RBFOX2: variants seen among roughly 807,000 people sequenced by gnomAD.
RBFOX2 encodes RNA binding protein fox-1 homolog 2.
In RBFOX2, 10 loss-of-function variants were observed where a neutral mutation model predicts 49.1. That is an observed-to-expected ratio of 0.20 (90% CI 0.13 to 0.35). The LOEUF is 0.35. Among genes scored for constraint, RBFOX2 ranks in the 10% least tolerant of loss-of-function variants. RBFOX2 has a pLI of 1.00. For synonymous variants in RBFOX2, 183 were observed against 187.4 expected, an observed-to-expected ratio of 0.98 and a Z score of 0.19; for missense variants, 323 against 486.9, an observed-to-expected ratio of 0.66 and a Z score of 3.17.
intron 1 of RBFOX2, among the ~76,000 whole-genome samples, chr22:35,828,814 G>A (rs1465325117): frequency 6.6e-6 from 1 of 152,200 alleles, no homozygotes; most frequent in Non-Finnish European, 1.5e-5. Flanking sequence ...CACTTTGGGA[G>A]GCCGAGGCGG....
chr22:35,914,256 A>C (rs948318034), intron 1 of RBFOX2, among the ~76,000 whole-genome samples: 1 of 152,188 alleles, frequency 6.6e-6, no homozygotes, highest in African/African-American at 2.4e-5. Context: ...CTGCAGAGTC[A>C]TAAGAATTTA....
intron 6 of RBFOX2, among the ~76,000 whole-genome samples, chr22:35,763,840 A>G (rs1939852259): frequency 6.6e-6 from 1 of 152,356 alleles, no homozygotes; most frequent in African/African-American, 2.4e-5. Flanking sequence ...ATTTATAAAT[A>G]TGAAAACAGA....
At chr22:35,819,630 T>C (rs1338397438) in intron 1 of RBFOX2, among the ~76,000 whole-genome samples, 2 of 152,228 alleles carry the variant, frequency 1.3e-5, no homozygotes, top group Non-Finnish European at 2.9e-5. Flanking sequence ...GCTTCAACTC[T>C]TGCCATCAAA....
chr22:35,952,223 A>C (rs1276037725), intron 1 of RBFOX2, among the ~76,000 whole-genome samples: 1 of 152,204 alleles, frequency 6.6e-6, no homozygotes, highest in African/African-American at 2.4e-5. Context: ...GGACTTTTGG[A>C]AGCTTGAGTC....
At chr22:35,751,496 T>C (rs1934904350) in intron 9 of RBFOX2, among the ~76,000 whole-genome samples, 1 of 151,988 alleles carries the variant, frequency 6.6e-6, no homozygotes. Context: ...CTAGCGTGGG[T>C]TTAATGCTGG....
intron 1 of RBFOX2, among the ~76,000 whole-genome samples, chr22:35,988,039 A>G (rs2057797924): frequency 6.6e-6 from 1 of 152,252 alleles, no homozygotes; most frequent in Admixed American, 6.5e-5. Flanking sequence ...CAGGCAGCCA[A>G]GATTAAGAAA....
intron 2 of RBFOX2, among the ~76,000 whole-genome samples, chr22:35,796,002 ATTTTTAT>A (rs1422396060): frequency 2.6e-5 from 4 of 152,186 alleles, no homozygotes; most frequent in Admixed American, 1.3e-4. Flanking sequence ...AAACTTCTTA[ATTTTTAT>A]TTTTTAATGT....
chr22:35,838,632 C>T (rs998615188), intron 1 of RBFOX2, among the ~76,000 whole-genome samples: 6 of 152,184 alleles, frequency 3.9e-5, no homozygotes, highest in African/African-American at 1.2e-4. Flanking sequence ...CCTGCGCATT[C>T]GCTTCTTCCT....
intron 1 of RBFOX2, among the ~76,000 whole-genome samples, chr22:35,931,480 T>C (rs977689825): frequency 2.0e-5 from 3 of 152,186 alleles, no homozygotes; most frequent in Admixed American, 6.5e-5. Flanking sequence ...CTAAAAGGTA[T>C]GGGGTTTCTT....
At chr22:35,817,520 C>T (rs1201147613) in intron 1 of RBFOX2, among the ~76,000 whole-genome samples, 1 of 151,572 alleles carries the variant, frequency 6.6e-6, no homozygotes, top group Non-Finnish European at 1.5e-5. Context: ...AAAAAGAGAG[C>T]ATAGATGATG....
chr22:35,865,853 T>C (rs2043617502), intron 1 of RBFOX2, among the ~76,000 whole-genome samples: 2 of 152,172 alleles, frequency 1.3e-5, no homozygotes, highest in African/African-American at 4.8e-5. Context: ...AGGACTGTTG[T>C]GTTGTTCTTT....
chr22:35,853,379 G>T (rs149933440), intron 1 of RBFOX2, among the ~76,000 whole-genome samples: 70 of 151,850 alleles, frequency 4.6e-4, no homozygotes, highest in African/African-American at 1.6e-3. Flanking sequence ...AATTATATAG[G>T]GGTATGCATG....
chr22:35,993,101 C>T (rs1181217583), intron 1 of RBFOX2: 1 of 146,182 alleles, frequency 6.8e-6, no homozygotes. Flanking sequence ...CTAAGGAACA[C>T]ATAAGACAGA....
At chr22:35,944,296 T>C (rs1159967194) in intron 1 of RBFOX2, among the ~76,000 whole-genome samples, 1 of 152,222 alleles carries the variant, frequency 6.6e-6, no homozygotes, top group Non-Finnish European at 1.5e-5. Flanking sequence ...TCCAGTACTA[T>C]GTTGAATTGA....
chr22:35,988,789 G>A (rs761851341), intron 1 of RBFOX2, among the ~76,000 whole-genome samples: 8 of 152,172 alleles, frequency 5.3e-5, no homozygotes, highest in Non-Finnish European at 8.8e-5. Context: ...TGGGAGGGAC[G>A]AAATTAAAGA....
intron 1 of RBFOX2, among the ~76,000 whole-genome samples, chr22:35,816,120 A>G (rs1487789997): frequency 1.3e-5 from 2 of 152,220 alleles, no homozygotes; most frequent in South Asian, 4.1e-4. Flanking sequence ...ATCCAGATAA[A>G]TAAATCAGAT....
At chr22:35,904,028 T>C (rs2048867438) in intron 1 of RBFOX2, among the ~76,000 whole-genome samples, 1 of 152,194 alleles carries the variant, frequency 6.6e-6, no homozygotes, top group African/African-American at 2.4e-5. Context: ...CTTCATACCA[T>C]ATCTCCTCTC....
At chr22:35,858,755 G>C (rs2042795897) in intron 1 of RBFOX2, among the ~76,000 whole-genome samples, 1 of 151,342 alleles carries the variant, frequency 6.6e-6, no homozygotes. Context: ...GAACCCGGGA[G>C]GCGGAGGTGG....
intron 1 of RBFOX2, among the ~76,000 whole-genome samples, chr22:35,856,081 G>A (rs1250822080): frequency 2.0e-5 from 3 of 151,964 alleles, no homozygotes; most frequent in Admixed American, 2.0e-4. Flanking sequence ...AATGATATCA[G>A]GGAGAAACAG....
Sources: allele counts gnomAD v4.1 joint callset (sites outside exome capture counted in the v4.1 genomes callset), GRCh38; gene constraint gnomAD v4.1.1; transcripts MANE v1.5; gene names NCBI Gene and HGNC (gene_info 2026-07-23, HGNC 2026-07-21).